The following STMN3 variants were observed in gnomAD, a reference collection of about 807,000 sequenced individuals.
The protein encoded by STMN3 is stathmin 3.
In STMN3, 24 loss-of-function variants were observed where a neutral mutation model predicts 23.2. That is an observed-to-expected ratio of 1.03 (90% CI 0.75 to 1.45). The LOEUF is 1.45. Among genes scored for constraint, STMN3 ranks in the 40% most tolerant of loss-of-function variants. STMN3 has a pLI of 0.00. For synonymous variants in STMN3, 117 were observed against 103.4 expected (o/e 1.13, Z -0.80); for missense variants, 235 against 237.6 (o/e 0.99, Z 0.07).
intron 1 of STMN3, among the ~76,000 whole-genome samples, chr20:63,648,511 G>A (rs997051057): frequency 2.0e-5 from 3 of 152,184 alleles, no homozygotes; most frequent in Non-Finnish European, 2.9e-5. Context: ...TGAGGCAGGA[G>A]GATCGCTTGA....
Position 63,652,501 on chromosome 20 carries a change from C to G in STMN3, c.19+826G>C, listed in dbSNP as rs982468980. Reference sequence around the variant, plus strand: ...TCCCCTGCGTCCAGAATCCGCCCCCCGCCCGGGCCTGCGCCCGCCCCTCCG... The same window carrying G: ...TCCCCTGCGTCCAGAATCCGCCCCCGGCCCGGGCCTGCGCCCGCCCCTCCG... On this transcript the variant is annotated intron_variant, in intron 1 of 4. Coordinates refer to ENST00000370053, the MANE Select transcript of STMN3 (RefSeq NM_015894.4). The surrounding 1 kb of genome is among the most constrained non-coding windows in gnomAD (Gnocchi z 5.3). The G allele has an allele frequency of 6.6e-6, 6 of 913,588 alleles. No homozygotes were observed. The highest frequency in any genetic ancestry group is 7.8e-6 in the Non-Finnish European group (6 of 764,504). 56.6% of individuals were successfully genotyped at this position (913,588 alleles called of 1,614,324 possible). A position where few individuals can be genotyped will look rare whatever the true frequency, so the allele number is the denominator to read the frequency against.
chr20:63,643,716 G>A lies in STMN3; in HGVS notation c.291+40C>T, dbSNP rs371379741. The A allele has an allele frequency of 1.4e-5, 21 of 1,492,516 alleles. 1 individual carries two copies. In the South Asian group the frequency reaches 1.8e-4, roughly 13 times the overall value. The allele number at this position is 1,492,516 out of a possible 1,614,324, so 92.5% of individuals were successfully genotyped here. ...GGCCCTGTCCCCGTGGGCCGCCTCC[G>A]TTGAAACTCCTGGGGGGTGGGGGAT... On this transcript the variant is annotated intron_variant, in intron 3 of 4. Transcript: ENST00000370053.
chr20:63,649,721 G>A lies in STMN3; in HGVS notation c.19+3606C>T, dbSNP rs1026139220. On this transcript the variant is annotated intron_variant, in intron 1 of 4. Coordinates refer to ENST00000370053, the MANE Select transcript of STMN3 (RefSeq NM_015894.4). ...AATTTTTTGTATTTTTAGTAGAGAC[G>A]GGGTTTCACTGTGTTAGCCAGGATG... is the stretch of plus-strand genomic sequence containing the variant. Among the ~76,000 whole-genome samples, 18 of 152,042 alleles carry A rather than the reference G, an allele frequency of 1.2e-4. No homozygotes were observed. In the South Asian group the frequency reaches 1.5e-3, roughly 12 times the overall value.
At chr20:63,647,808 C>T (rs1252637899) in intron 1 of STMN3, among the ~76,000 whole-genome samples, 3 of 119,792 alleles carry the variant, frequency 2.5e-5, no homozygotes, top group Non-Finnish European at 5.3e-5. Context: ...CGTATATATA[C>T]ACGTGTATAT....
chr20:63,651,068 T>C (rs2089855319), intron 1 of STMN3, among the ~76,000 whole-genome samples: 1 of 151,808 alleles, frequency 6.6e-6, no homozygotes, highest in Non-Finnish European at 1.5e-5. Context: ...CAAGCAATTA[T>C]CCTGCCTCAG....
chr20:63,652,857 T>G lies in STMN3; in HGVS notation c.19+470A>C. The G allele has an allele frequency of 1.1e-6, 1 of 922,458 alleles. No homozygotes were observed. The highest frequency in any genetic ancestry group is 1.3e-6 in the Non-Finnish European group (1 of 772,690). The allele number at this position is 922,458 out of a possible 1,614,324, so 57.1% of individuals were successfully genotyped here. On this transcript the variant is annotated intron_variant, in intron 1 of 4. Transcript: ENST00000370053. This position sits in a 1 kb window ranked among gnomAD's most constrained non-coding sequence, Gnocchi z 5.3. ...GCCCCCTCCAGCCCCTGTGCTGCACTGGCGCGGGGAGCGCCGGGTTCCCGG... is the reference window on the plus strand; with the variant it reads ...GCCCCCTCCAGCCCCTGTGCTGCACGGGCGCGGGGAGCGCCGGGTTCCCGG...
At chr20:63,643,036 C>T (rs921227576) in intron 3 of STMN3, among the ~76,000 whole-genome samples, 11 of 152,148 alleles carry the variant, frequency 7.2e-5, no homozygotes, top group African/African-American at 2.7e-4. Flanking sequence ...GGAGCCCACA[C>T]CCACCTCTCC....
chr20:63,644,434 TTG>T (rs1255080030), intron 1 of STMN3, 125 bp from the exon 2 acceptor site: 1 of 701,654 alleles, frequency 1.4e-6, no homozygotes, highest in Admixed American at 2.4e-5. Context: ...GCACGCTCTC[TTG>T]TGTGTCTCCA....
rs2089877043 is a variant in STMN3 at position 63,653,422 on chromosome 20, A to G, written c.-77T>C. On this transcript the variant is annotated 5_prime_UTR_variant, in exon 1 of 5. Coordinates refer to ENST00000370053, the MANE Select transcript of STMN3 (RefSeq NM_015894.4). ...CGGAGCTGCAGACGGCTGGTGCTGC[A>G]GTGCCGGGGAGGGGAGGGGAGAGGA... The G allele has an allele frequency of 1.9e-6, 2 of 1,063,896 alleles. No homozygotes were observed. The highest frequency in any genetic ancestry group is 2.8e-5 in the Admixed American group (1 of 35,818). 65.9% of individuals were successfully genotyped at this position (1,063,896 alleles called of 1,614,324 possible). A position where few individuals can be genotyped will look rare whatever the true frequency, so the allele number is the denominator to read the frequency against.
chr20:63,653,217 G>A (rs2089874433), intron 1 of STMN3, 110 bp downstream of exon 1: 1 of 1,392,816 alleles, frequency 7.2e-7, no homozygotes, highest in Admixed American at 2.1e-5. Flanking sequence ...AACGCGCAGG[G>A]TAGGAGAAGG....
intron 4 of STMN3, 92 bp from the exon 5 acceptor site, chr20:63,641,489 C>T (rs2089761827): frequency 9.5e-7 from 1 of 1,053,132 alleles, no homozygotes; most frequent in Admixed American, 2.2e-5. Context: ...CGCCCTGGCA[C>T]CCGCCCGGCC....
At chr20:63,644,157 G>A in intron 2 of STMN3, 57 bp downstream of exon 2, 18 of 1,520,818 alleles carry the variant, frequency 1.2e-5, no homozygotes, top group Admixed American at 1.7e-5. Context: ...GAGGCCGGGG[G>A]AAAAGGTGAG....
intron 1 of STMN3, among the ~76,000 whole-genome samples, chr20:63,653,002 C>T (rs1311140525): frequency 6.6e-6 from 1 of 151,952 alleles, no homozygotes; most frequent in Non-Finnish European, 1.5e-5. Flanking sequence ...AGCGCGCCCA[C>T]CCGGTCGCGA....
rs1438396175 is a variant in STMN3, at chr20:63,641,223, TGGGGGCGGGGGTG to T, written c.*102_*114del. ...TGAGTGCGGAAGAGAAGCATGAAGC[TGGGGGCGGGGGTG>T]GGGGAGGAGGAACAAAAGTTGCATC... On this transcript the variant is annotated 3_prime_UTR_variant, in exon 5 of 5. Transcript: ENST00000370053. 1.1e-6 allele frequency: 1 copy of T among 870,228 alleles called. No homozygotes were observed. Among genetic ancestry groups the T allele is most frequent in the East Asian group, 2.8e-5 (1 of 36,190 alleles). The allele number at this position is 870,228 out of a possible 1,614,324, so 53.9% of individuals were successfully genotyped here.
chr20:63,646,080 T>C (rs749892872), intron 1 of STMN3, among the ~76,000 whole-genome samples: 1 of 152,114 alleles, frequency 6.6e-6, no homozygotes, highest in Non-Finnish European at 1.5e-5. Context: ...CTGGGTCTTC[T>C]GGTGACAGTG....
chr20:63,643,776 C>T lies in STMN3; in HGVS notation c.271G>A (p.Ala91Thr). Residue 91 changes from alanine to threonine, a missense_variant, in exon 3 of 5, where the codon GCA becomes ACA. Coordinates refer to ENST00000370053, the MANE Select transcript of STMN3 (RefSeq NM_015894.4). Reference protein sequence around the residue: ...SLEELQKRLEAAEERRKTQEA... With the variant: ...SLEELQKRLETAEERRKTQEA... ...CTTGCCTTCCTCCGCTCCTCGGCTG[C>T]CTCCAGCCGCTTTTGCAGCTCCTCC... is the stretch of plus-strand genomic sequence containing the variant. 1 of 1,551,016 alleles carries T rather than the reference C, an allele frequency of 6.4e-7. No homozygotes were observed. Among genetic ancestry groups the T allele is most frequent in the Non-Finnish European group, 8.6e-7 (1 of 1,157,962 alleles).
chr20:63,647,991 T>TATATAAAC (rs1288050001), intron 1 of STMN3, among the ~76,000 whole-genome samples: 1 of 75,892 alleles, frequency 1.3e-5, no homozygotes, highest in Non-Finnish European at 2.7e-5. Flanking sequence ...CATATATATA[T>TATATAAAC]ACAGAGAGAG....
rs1454398720 is a variant in STMN3 at position 63,652,913 on chromosome 20, C to T, written c.19+414G>A. 5.8e-6 allele frequency: 3 copies of T among 514,116 alleles called. No homozygotes were observed. The highest frequency in any genetic ancestry group is 2.1e-5 in the African/African-American group (1 of 48,072). 31.8% of individuals were successfully genotyped at this position (514,116 alleles called of 1,614,324 possible). On this transcript the variant is annotated intron_variant, in intron 1 of 4. Coordinates refer to ENST00000370053, the MANE Select transcript of STMN3 (RefSeq NM_015894.4). The surrounding 1 kb of genome is among the most constrained non-coding windows in gnomAD (Gnocchi z 5.3). ...GCTTTGGCAGAGGGTCCCACCCTCT[C>T]CCCGCCTCCCCACGAAGGCTCTGGC...
chr20:63,649,523 T>TCC (rs2089841224), intron 1 of STMN3, among the ~76,000 whole-genome samples: 1 of 151,536 alleles, frequency 6.6e-6, no homozygotes, highest in Admixed American at 6.6e-5. Flanking sequence ...CATTGCTCCC[T>TCC]CTCTCTCTCT....
Sources: gnomAD v4.1 joint callset for allele counts (sites outside exome capture counted in the v4.1 genomes callset) on GRCh38, gnomAD v4.1.1 for gene constraint, Gnocchi (gnomAD v3.1) non-coding constraint, MANE v1.5 for transcripts, NCBI Gene and HGNC (gene_info 2026-07-23, HGNC 2026-07-21) for gene names.